ABCB9: variants seen among roughly 807,000 people sequenced by gnomAD.
The protein encoded by ABCB9 is ATP binding cassette subfamily B member 9, also known as ABC-type oligopeptide transporter ABCB9.
In ABCB9, 36 loss-of-function variants were observed where a neutral mutation model predicts 62.0. That is an observed-to-expected ratio of 0.58 (90% CI 0.45 to 0.77). The LOEUF (loss-of-function observed/expected upper bound fraction) is 0.77, where lower values mean the gene tolerates loss of function less well. ABCB9 is among the 30% of genes least tolerant of loss of function. The pLI, the probability that ABCB9 is intolerant of heterozygous loss-of-function variation, is 0.00. For synonymous variants in ABCB9, 435 were observed against 461.4 expected (o/e 0.94, Z 0.73); for missense variants, 943 against 1,054.7 (o/e 0.89, Z 1.47).
upstream of ABCB9, among the ~76,000 whole-genome samples, chr12:122,971,310 C>T (rs1357555055): frequency 6.7e-6 from 1 of 150,194 alleles, no homozygotes; most frequent in Non-Finnish European, 1.5e-5. Context: ...TCGCTTGAAC[C>T]CAGGAGGTGG....
rs916516685 is a variant in ABCB9, at chr12:122,959,074, A to C, written c.601+561T>G. 5.5e-5 allele frequency among the ~76,000 whole-genome samples: 8 copies of C among 145,926 alleles called. No individual in the cohort carries two copies. The highest frequency in any genetic ancestry group is 1.7e-4 in the African/African-American group (7 of 40,230). On this transcript the variant is annotated intron_variant, in intron 2 of 11. Transcript: ENST00000280560. The surrounding 1 kb of genome is among the most constrained non-coding windows in gnomAD (Gnocchi z 5.4). ...AAATTACATAAAATAGAAATGGGGC[A>C]GGCACCGTGGCTCACGCCTGTAATC...
At chr12:122,973,938 G>C (rs1367062957) in intron 1 of ABCB9, among the ~76,000 whole-genome samples, 2 of 152,238 alleles carry the variant, frequency 1.3e-5, no homozygotes, top group African/African-American at 2.4e-5. Context: ...CCAGCTATTC[G>C]GGAGGCTGAG....
chr12:122,920,477 G>T (rs1399162748), downstream of ABCB9, among the ~76,000 whole-genome samples: 3 of 152,144 alleles, frequency 2.0e-5, no homozygotes, highest in Admixed American at 1.3e-4. Flanking sequence ...GGTTCGGGCT[G>T]CCTGTGTTCA....
chr12:122,958,521 G>A (rs975186937), intron 2 of ABCB9, among the ~76,000 whole-genome samples: 3 of 152,070 alleles, frequency 2.0e-5, no homozygotes, highest in Non-Finnish European at 4.4e-5. Flanking sequence ...GTTAGCCCTG[G>A]GCAGAATGAT....
intron 5 of ABCB9, 23 bp from the exon 6 acceptor site, chr12:122,946,245 AAGG>A (rs762355325): frequency 1.2e-6 from 2 of 1,613,664 alleles, no homozygotes; most frequent in Admixed American, 1.7e-5. Context: ...GGGGGACAAG[AAGG>A]AGAAGACCCC....
chr12:122,973,788 G>C (rs1271348339), intron 1 of ABCB9, among the ~76,000 whole-genome samples: 6 of 151,934 alleles, frequency 3.9e-5, no homozygotes, highest in African/African-American at 1.5e-4. Context: ...GTGAACCCGG[G>C]AGGCAGAGCT....
rs546728857 is a variant in ABCB9, at chr12:122,959,138, G to A, written c.601+497C>T. Among the ~76,000 whole-genome samples, 2 of 151,380 alleles carry A rather than the reference G, an allele frequency of 1.3e-5. No homozygotes were observed. The highest frequency in any genetic ancestry group is 4.1e-4 in the East Asian group (2 of 4,930). Reference sequence around the variant, plus strand: ...AGGCCGAGGCCAGTGGATCACCTGAGGTCAGGAGTTCAAGACCAGCCTGGC... The same window carrying A: ...AGGCCGAGGCCAGTGGATCACCTGAAGTCAGGAGTTCAAGACCAGCCTGGC... On this transcript the variant is annotated intron_variant, in intron 2 of 11. Coordinates refer to ENST00000280560, the MANE Select transcript of ABCB9 (RefSeq NM_019625.4). The surrounding 1 kb of genome is among the most constrained non-coding windows in gnomAD (Gnocchi z 5.4).
intron 5 of ABCB9, 152 bp from the exon 6 acceptor site, chr12:122,946,374 C>T: frequency 1.4e-6 from 1 of 717,604 alleles, no homozygotes; most frequent in Admixed American, 2.6e-5. Context: ...CTAGCCCTTT[C>T]TCCCCCATCC....
At chr12:122,925,579 T>A (rs1357544395), downstream of ABCB9, among the ~76,000 whole-genome samples, 7 of 152,052 alleles carry the variant, frequency 4.6e-5, no homozygotes, top group Non-Finnish European at 8.8e-5. Context: ...AAACCCCGTC[T>A]CTACTAAAAA....
At chr12:122,920,669 C>T (rs1319174898), downstream of ABCB9, among the ~76,000 whole-genome samples, 1 of 152,030 alleles carries the variant, frequency 6.6e-6, no homozygotes, top group African/African-American at 2.4e-5. Flanking sequence ...CTTTGGGAGG[C>T]CAAGGTGGGA....
intron 4 of ABCB9, chr12:122,949,104 T>C: frequency 6.9e-6 from 2 of 288,290 alleles, no homozygotes; most frequent in Non-Finnish European, 1.3e-5. Context: ...TCACACAGCC[T>C]GTCCGTGACT....
At chr12:122,924,585 C>T (rs2135735090), downstream of ABCB9, 1 of 1,385,134 alleles carries the variant, frequency 7.2e-7, no homozygotes, top group Non-Finnish European at 9.4e-7. Context: ...AGCCACTGTT[C>T]TAGGCACTGG....
intron 1 of ABCB9, among the ~76,000 whole-genome samples, chr12:122,973,572 A>AAAAAAG (rs2037315726): frequency 1.7e-5 from 2 of 118,880 alleles, no homozygotes; most frequent in African/African-American, 4.3e-5. Flanking sequence ...CTCCGTCTCA[A>AAAAAAG]AAAAAGAAAA....
At chr12:122,966,577 G>A (rs1231687690), upstream of ABCB9, 1 of 151,448 alleles carries the variant, frequency 6.6e-6, no homozygotes, top group Non-Finnish European at 1.5e-5. Context: ...CTCAGGAGGA[G>A]TGGGCGGGCT....
chr12:122,957,699 GTT>G (rs532994359), intron 2 of ABCB9, among the ~76,000 whole-genome samples: 3 of 125,196 alleles, frequency 2.4e-5, no homozygotes, highest in Non-Finnish European at 3.5e-5. Context: ...ACTGCTGAGA[GTT>G]TTTTTTTTTT....
At chr12:122,946,254 A>T in intron 5 of ABCB9, 32 bp from the exon 6 acceptor site, 1 of 1,611,832 alleles carries the variant, frequency 6.2e-7, no homozygotes, top group Non-Finnish European at 8.5e-7. Context: ...GAAGGAGAAG[A>T]CCCCAAAACA....
At chr12:122,923,833 C>G (rs951663805) in intron 11 of ABCB9, among the ~76,000 whole-genome samples, 1 of 152,176 alleles carries the variant, frequency 6.6e-6, no homozygotes, top group East Asian at 1.9e-4. Context: ...CCAGGGCCAT[C>G]GGGCTTAACC....
At chr12:122,973,541 G>A (rs1204348634) in intron 1 of ABCB9, among the ~76,000 whole-genome samples, 8 of 125,316 alleles carry the variant, frequency 6.4e-5, no homozygotes, top group Non-Finnish European at 9.6e-5. Context: ...TCCGCAGTCC[G>A]GCCTGGGCGA....
Position 122,940,885 on chromosome 12 carries a change from G to A in ABCB9, c.1491C>T (p.Pro497=), listed in dbSNP as rs764015390. 6.9e-5 allele frequency: 112 copies of A among 1,611,918 alleles called. No homozygotes were observed. Among genetic ancestry groups the A allele is most frequent in the Non-Finnish European group, 9.2e-5 (108 of 1,179,176 alleles). The part of the protein sequence containing the change: ...PTMVHDGSLA[P]DHLEGRVDFE... ...AGTCCACCCGGCCCTCCAGGTGGTC[G>A]GGGGCCAAGCTGCCATCGTGCACCA... The change falls in exon 8 of 12, where the codon CCC becomes CCT. Residue 497 remains proline (P), a synonymous_variant. Transcript: ENST00000280560. This position sits in a 1 kb window ranked among gnomAD's most constrained non-coding sequence, Gnocchi z 4.8.
Sources: allele counts gnomAD v4.1 joint callset (sites outside exome capture counted in the v4.1 genomes callset), GRCh38; gene constraint gnomAD v4.1.1; non-coding constraint Gnocchi (gnomAD v3.1); transcripts MANE v1.5; gene names NCBI Gene and HGNC (gene_info 2026-07-23, HGNC 2026-07-21).